ELAPOR2: variants seen among roughly 807,000 people sequenced by gnomAD.
ELAPOR2 encodes the protein endosome-lysosome associated apoptosis and autophagy regulator family member 2, also known as endosome/lysosome-associated apoptosis and autophagy regulator family member 2.
In ELAPOR2, 89 loss-of-function variants were observed where a neutral mutation model predicts 120.7. The ratio of observed to expected loss-of-function variants is 0.74; its 90% confidence interval spans 0.62 to 0.88. The LOEUF (loss-of-function observed/expected upper bound fraction) is 0.88. ELAPOR2 is among the 40% of genes least tolerant of loss of function. ELAPOR2 has a pLI of 0.00. For synonymous variants in ELAPOR2, 444 were observed against 444.9 expected (o/e 1.00, Z 0.03); for missense variants, 1,134 against 1,251.6 (o/e 0.91, Z 1.42).
chr7:87,050,079 T>C (rs1795058402), intron 1 of ELAPOR2, among the ~76,000 whole-genome samples: 1 of 152,198 alleles, frequency 6.6e-6, no homozygotes, highest in Admixed American at 6.5e-5. Context: ...TCCTACCTCC[T>C]AAACCTGGAG....
Position 87,051,345 on chromosome 7 carries a change from C to T in ELAPOR2, c.189+7980G>A, listed in dbSNP as rs1029489488. On this transcript the variant is annotated intron_variant, in intron 1 of 21. Coordinates refer to ENST00000450689, the MANE Select transcript of ELAPOR2 (RefSeq NM_001142749.3). Reference sequence around the variant, plus strand: ...ATCAACTGGGTACAATGTTTCACAACGTATAACTTTTATAGTTAGAAAAAG... The same window carrying T: ...ATCAACTGGGTACAATGTTTCACAATGTATAACTTTTATAGTTAGAAAAAG... Among the ~76,000 whole-genome samples, 6 of 152,200 alleles carry T rather than the reference C, an allele frequency of 3.9e-5. No homozygotes were observed. The South Asian group carries it at 1.0e-3, about 26-fold the overall frequency.
At chr7:87,002,017 GTGT>G (rs2116633830) in intron 1 of ELAPOR2, among the ~76,000 whole-genome samples, 1 of 152,232 alleles carries the variant, frequency 6.6e-6, no homozygotes, top group African/African-American at 2.4e-5. Context: ...TTCTGCTATT[GTGT>G]CAGGTATGGC....
At chr7:87,042,666 C>G (rs1208490839) in intron 1 of ELAPOR2, among the ~76,000 whole-genome samples, 7 of 151,984 alleles carry the variant, frequency 4.6e-5, no homozygotes, top group Admixed American at 1.3e-4. Context: ...CAGGAAAGAT[C>G]CAAAATTGGC....
chr7:86,982,212 C>T (rs1013645933), intron 1 of ELAPOR2, among the ~76,000 whole-genome samples: 1 of 152,274 alleles, frequency 6.6e-6, no homozygotes, highest in Non-Finnish European at 1.5e-5. Flanking sequence ...TGCCTCTGTA[C>T]ATTCCACTTC....
At chr7:86,901,597 A>G (rs1788728980) in intron 18 of ELAPOR2, among the ~76,000 whole-genome samples, 1 of 152,244 alleles carries the variant, frequency 6.6e-6, no homozygotes, top group African/African-American at 2.4e-5. Flanking sequence ...ATTTATCCAT[A>G]TTGTCAATAT....
In ELAPOR2 at chr7:86,902,238, G is replaced by A. The variant is rs575315261; in HGVS notation, c.2559-4606C>T. Among the ~76,000 whole-genome samples, 11 of 152,140 alleles carry A rather than the reference G, an allele frequency of 7.2e-5. No individual in the cohort carries two copies. In the East Asian group the frequency reaches 1.4e-3, roughly 19 times the overall value. ...GTTGCCCAAGCTGGGGTGCTATGGC[G>A]CGATCTCAGCTCACCACAACCTCCA... On this transcript the variant is annotated intron_variant, in intron 18 of 21. Coordinates refer to ENST00000450689, the MANE Select transcript of ELAPOR2 (RefSeq NM_001142749.3).
intron 1 of ELAPOR2, among the ~76,000 whole-genome samples, chr7:87,004,702 C>T (rs917403456): frequency 3.9e-5 from 6 of 152,132 alleles, no homozygotes; most frequent in Admixed American, 2.6e-4. Flanking sequence ...ACTGGAGGCA[C>T]GTCATCAGCT....
chr7:86,896,892 T>C (rs1211043674), intron 19 of ELAPOR2, among the ~76,000 whole-genome samples: 1 of 152,108 alleles, frequency 6.6e-6, no homozygotes, highest in South Asian at 2.1e-4. Context: ...AAATCAAACT[T>C]CCTTCAGACG....
At chr7:86,910,998 GGGAAAGAAAAA>G (rs1789279510) in intron 15 of ELAPOR2, among the ~76,000 whole-genome samples, 1 of 151,714 alleles carries the variant, frequency 6.6e-6, no homozygotes, top group African/African-American at 2.4e-5. Flanking sequence ...AAAGGTACTG[GGGAAAGAAAAA>G]GGAAAATAGT....
intron 5 of ELAPOR2, 128 bp downstream of exon 5, chr7:86,941,890 T>A: frequency 1.7e-6 from 1 of 574,420 alleles, no homozygotes; most frequent in Non-Finnish European, 3.1e-6. Flanking sequence ...AATTTTGATA[T>A]TTTTTCTTAA....
At chr7:87,044,935 A>C (rs1189915835) in intron 1 of ELAPOR2, among the ~76,000 whole-genome samples, 12 of 148,064 alleles carry the variant, frequency 8.1e-5, no homozygotes, top group African/African-American at 2.4e-4. Flanking sequence ...ACCCCATCAA[A>C]AAGTGGGCGA....
intron 1 of ELAPOR2, among the ~76,000 whole-genome samples, chr7:86,994,528 C>T (rs1035385121): frequency 6.6e-6 from 1 of 152,152 alleles, no homozygotes; most frequent in East Asian, 1.9e-4. Flanking sequence ...GTTAAACAAT[C>T]CTTGTCTATT....
intron 1 of ELAPOR2, among the ~76,000 whole-genome samples, chr7:87,058,532 T>C (rs1309142120): frequency 6.6e-6 from 1 of 152,190 alleles, no homozygotes. Flanking sequence ...CTGTAAATTT[T>C]TGGCACACTG....
chr7:86,945,174 T>C (rs922105343), intron 3 of ELAPOR2, 128 bp from the exon 4 acceptor site: 1 of 777,640 alleles, frequency 1.3e-6, no homozygotes, highest in Non-Finnish European at 2.0e-6. Flanking sequence ...CAGAAGCTTT[T>C]CCAGACTCAA....
chr7:87,024,685 A>C (rs1794184853), intron 1 of ELAPOR2, among the ~76,000 whole-genome samples: 1 of 152,060 alleles, frequency 6.6e-6, no homozygotes, highest in Non-Finnish European at 1.5e-5. Context: ...CTGTGAATCC[A>C]TCTGGTCCTG....
intron 9 of ELAPOR2, among the ~76,000 whole-genome samples, chr7:86,926,076 A>T (rs1251665040): frequency 1.3e-5 from 2 of 152,062 alleles, no homozygotes; most frequent in East Asian, 3.9e-4. Context: ...TTGGTTATTC[A>T]ACTTAACAGA....
intron 1 of ELAPOR2, among the ~76,000 whole-genome samples, 182 bp downstream of exon 1, chr7:87,059,143 C>G (rs1795353412): frequency 6.6e-6 from 1 of 152,048 alleles, no homozygotes; most frequent in Non-Finnish European, 1.5e-5. Flanking sequence ...AGCGAAGCCA[C>G]ACACCCTCTC....
intron 6 of ELAPOR2, 51 bp downstream of exon 6, chr7:86,939,955 TTAAC>T (rs1221281770): frequency 8.9e-7 from 1 of 1,127,972 alleles, no homozygotes; most frequent in East Asian, 2.5e-5. Flanking sequence ...AATAAATATT[TTAAC>T]TAACTGTAAG....
chr7:86,876,970 G>A lies in ELAPOR2; in HGVS notation c.*3501C>T, dbSNP rs1799191338. 6.6e-6 allele frequency: 1 copy of A among 152,122 alleles called. No homozygotes were observed. Among genetic ancestry groups the A allele is most frequent in the Non-Finnish European group, 1.5e-5 (1 of 68,022 alleles). The allele number at this position is 152,122 out of a possible 1,614,324, so 9.4% of individuals were successfully genotyped here. On this transcript the variant is annotated 3_prime_UTR_variant, in exon 22 of 22. Transcript: ENST00000450689. ...ACGCCCATCCATTTACATTTTGTAT[G>A]TGGTTGCTTTCATACTACAATGGCA...
Sources: gnomAD v4.1 joint callset for allele counts (sites outside exome capture counted in the v4.1 genomes callset) on GRCh38, gnomAD v4.1.1 for gene constraint, MANE v1.5 for transcripts, NCBI Gene and HGNC (gene_info 2026-07-23, HGNC 2026-07-21) for gene names.